Variants in SOX6 observed in about 807,000 individuals in gnomAD.
SOX6 encodes SRY-box transcription factor 6, also known as transcription factor SOX-6.
SOX6 carries 11 observed loss-of-function variants against 97.8 expected under a neutral mutation model. That is an observed-to-expected ratio of 0.11 (90% confidence interval 0.07 to 0.19). The LOEUF (loss-of-function observed/expected upper bound fraction) is 0.19. SOX6 is among the 10% of genes least tolerant of loss of function. The pLI is 1.00. For missense variants in SOX6, 810 were observed against 1,039.5 expected, an observed-to-expected ratio of 0.78 and a Z score of 3.04; for synonymous variants, 360 against 371.4, an observed-to-expected ratio of 0.97 and a Z score of 0.35.
intron 3 of SOX6, among the ~76,000 whole-genome samples, chr11:16,656,044 G>C (rs2134016591): frequency 6.6e-6 from 1 of 151,794 alleles, no homozygotes; most frequent in Admixed American, 6.6e-5. Context: ...TTGGCATCCA[G>C]GAAAATATAT....
intron 6 of SOX6, among the ~76,000 whole-genome samples, chr11:16,153,756 A>ACT (rs1169140309): frequency 6.6e-6 from 1 of 152,154 alleles, no homozygotes; most frequent in African/African-American, 2.4e-5. Flanking sequence ...GACTAGTGAG[A>ACT]CAGATATGTG....
chr11:16,535,674 CA>C (rs1011702609), intron 4 of SOX6, among the ~76,000 whole-genome samples: 10 of 148,420 alleles, frequency 6.7e-5, no homozygotes, highest in African/African-American at 1.7e-4. Flanking sequence ...CCTGTCTTAA[CA>C]AAAAAAAACA....
chr11:16,324,565 A>G (rs1204491035), intron 2 of SOX6, among the ~76,000 whole-genome samples: 1 of 152,132 alleles, frequency 6.6e-6, no homozygotes, highest in African/African-American at 2.4e-5. Flanking sequence ...TAAGACTAAT[A>G]TACTTTTTTA....
At chr11:16,156,301 T>C (rs866317107) in intron 6 of SOX6, among the ~76,000 whole-genome samples, 2 of 152,150 alleles carry the variant, frequency 1.3e-5, no homozygotes, top group South Asian at 4.2e-4. Context: ...CCTTTGCTAC[T>C]GCCTCTCCTT....
intron 2 of SOX6, among the ~76,000 whole-genome samples, chr11:16,721,694 C>T (rs1476253262): frequency 6.7e-6 from 1 of 148,540 alleles, no homozygotes; most frequent in Non-Finnish European, 1.5e-5. Context: ...TCACCTTTCA[C>T]CATGATTGTA....
chr11:16,152,216 C>A (rs1850477789), intron 6 of SOX6, among the ~76,000 whole-genome samples: 1 of 152,150 alleles, frequency 6.6e-6, no homozygotes, highest in Non-Finnish European at 1.5e-5. Context: ...CTTAAATAGT[C>A]ACTTTTATCC....
At chr11:16,717,736 G>C (rs1031729389) in intron 2 of SOX6, among the ~76,000 whole-genome samples, 1 of 152,034 alleles carries the variant, frequency 6.6e-6, no homozygotes, top group African/African-American at 2.4e-5. Flanking sequence ...GCACAATCAA[G>C]AAGTATTGAT....
At chr11:16,609,962 T>G (rs1348660617) in intron 4 of SOX6, among the ~76,000 whole-genome samples, 2 of 152,186 alleles carry the variant, frequency 1.3e-5, no homozygotes, top group Non-Finnish European at 2.9e-5. Flanking sequence ...GCCAATAAGA[T>G]GTACACCCTG....
rs557209796 is a variant in SOX6 at position 16,243,613 on chromosome 11, C to A, written c.446-8942G>T. Among the ~76,000 whole-genome samples the A allele has an allele frequency of 4.1e-4, 62 of 151,800 alleles. 1 individual carries two copies. The highest frequency in any genetic ancestry group is 1.9e-3 in the South Asian group (9 of 4,808). ...TTATATACTCATGTAGCTCCACCCT[C>A]CCGAAAGAAGATACAGAACATTTCT... On this transcript the variant is annotated intron_variant, in intron 3 of 15. Coordinates refer to ENST00000683767, the MANE Select transcript of SOX6 (RefSeq NM_001367873.1).
chr11:16,137,334 A>T (rs1272121849), intron 6 of SOX6, among the ~76,000 whole-genome samples: 1 of 152,092 alleles, frequency 6.6e-6, no homozygotes, highest in African/African-American at 2.4e-5. Context: ...GCTGAGGCAC[A>T]AGAATCGCTT....
At chr11:16,727,613 T>C (rs1322050029) in intron 2 of SOX6, among the ~76,000 whole-genome samples, 1 of 151,424 alleles carries the variant, frequency 6.6e-6, no homozygotes, top group Non-Finnish European at 1.5e-5. Context: ...TTTTTTTGTA[T>C]TTTTAGTAGA....
intron 13 of SOX6, among the ~76,000 whole-genome samples, chr11:15,990,212 T>C: frequency 6.6e-6 from 1 of 152,058 alleles, no homozygotes. Flanking sequence ...GATTATGCTG[T>C]ACTTATTCTT....
chr11:16,602,860 A>G (rs1189890886), intron 4 of SOX6, among the ~76,000 whole-genome samples: 1 of 152,114 alleles, frequency 6.6e-6, no homozygotes, highest in Non-Finnish European at 1.5e-5. Flanking sequence ...CATCTCCACA[A>G]AAATACAAAA....
At chr11:16,604,423 C>A (rs1590003459) in intron 4 of SOX6, among the ~76,000 whole-genome samples, 1 of 152,212 alleles carries the variant, frequency 6.6e-6, no homozygotes, top group South Asian at 2.1e-4. Context: ...AGAGAGAAGA[C>A]CCTAGTGGGC....
chr11:16,166,261 G>A (rs183446961), intron 6 of SOX6, among the ~76,000 whole-genome samples: 6 of 152,150 alleles, frequency 3.9e-5, no homozygotes, highest in East Asian at 1.9e-4. Flanking sequence ...AAACATCTCC[G>A]AATTGGATAG....
chr11:16,245,054 T>C (rs1853298383), intron 3 of SOX6, among the ~76,000 whole-genome samples: 2 of 151,874 alleles, frequency 1.3e-5, no homozygotes, highest in African/African-American at 4.8e-5. Flanking sequence ...TAAGACTATA[T>C]TTAATATTAG....
chr11:16,485,573 T>C (rs1025269531), intron 4 of SOX6, among the ~76,000 whole-genome samples: 1 of 151,486 alleles, frequency 6.6e-6, no homozygotes, highest in African/African-American at 2.4e-5. Context: ...CTACTAAAGA[T>C]ACAAAAAATA....
intron 4 of SOX6, among the ~76,000 whole-genome samples, chr11:16,592,179 C>T (rs529639506): frequency 6.6e-6 from 1 of 151,766 alleles, no homozygotes; most frequent in African/African-American, 2.4e-5. Context: ...CGTGCTCTAT[C>T]CAAAATGTGG....
intron 2 of SOX6, among the ~76,000 whole-genome samples, chr11:16,333,122 T>C (rs1856357311): frequency 6.6e-6 from 1 of 152,158 alleles, no homozygotes; most frequent in African/African-American, 2.4e-5. Flanking sequence ...GTTGGCTTTA[T>C]GGAAAGCAAC....
Sources: allele counts gnomAD v4.1 joint callset (sites outside exome capture counted in the v4.1 genomes callset), GRCh38; gene constraint gnomAD v4.1.1; transcripts MANE v1.5; gene names NCBI Gene and HGNC (gene_info 2026-07-23, HGNC 2026-07-21).